The following DIS3L variants were observed in gnomAD, a reference collection of about 807,000 sequenced individuals.
DIS3L encodes the protein DIS3-like exonuclease 1.
A neutral mutation model predicts 120.3 loss-of-function variants in DIS3L; 100 were observed. The observed-to-expected ratio is 0.83, with a 90% CI of 0.71 to 0.98. The LOEUF (loss-of-function observed/expected upper bound fraction) is 0.98, where lower values mean the gene tolerates loss of function less well. DIS3L is among the 50% of genes least tolerant of loss of function. The probability of loss-of-function intolerance (pLI) is 0.00; values close to 1 mark genes in which losing one functional copy is unlikely to be tolerated. For synonymous variants in DIS3L, 426 were observed against 470.6 expected, an observed-to-expected ratio of 0.91 and a Z score of 1.23; for missense variants, 1,196 against 1,314.2, an observed-to-expected ratio of 0.91 and a Z score of 1.39.
At chr15:66,331,791 C>G (rs2093000320) in intron 14 of DIS3L, 84 bp from the exon 15 acceptor site, 2 of 1,358,006 alleles carry the variant, frequency 1.5e-6, no homozygotes, top group Non-Finnish European at 1.9e-6. Context: ...TTTACAGAAT[C>G]TCACATTTGA....
Position 66,306,824 on chromosome 15 carries a change from A to G in DIS3L, c.294A>G (p.Arg98=). 2 of 1,614,008 alleles carry G rather than the reference A, an allele frequency of 1.2e-6. No homozygotes were observed. Among genetic ancestry groups the G allele is most frequent in the South Asian group, 1.1e-5 (1 of 91,076 alleles). The change falls in exon 3 of 17, where the codon AGA becomes AGG. Residue 98 remains arginine, a splice_region_variant and synonymous_variant. Coordinates refer to ENST00000319212, the MANE Select transcript of DIS3L (RefSeq NM_001143688.3). Reference sequence around the variant, plus strand: ...GTTATTTTTCTCCTCCGTGTCACAGACAGTATAACAAACTGCGAAACCTGC... The same window carrying G: ...GTTATTTTTCTCCTCCGTGTCACAGGCAGTATAACAAACTGCGAAACCTGC... ...CQAVQHQRGR[R]QYNKLRNLLK...
chr15:66,304,494 T>C (rs575736429), intron 2 of DIS3L, among the ~76,000 whole-genome samples: 44 of 152,102 alleles, frequency 2.9e-4, no homozygotes, highest in Non-Finnish European at 5.4e-4. Context: ...ATTACTGATA[T>C]AATATGTTCT....
intron 14 of DIS3L, chr15:66,329,721 G>T: frequency 9.9e-7 from 1 of 1,012,858 alleles, no homozygotes; most frequent in Non-Finnish European, 1.2e-6. Context: ...AGACCAGCCT[G>T]GCCAATATGG....
At position 66,333,092 on chromosome 15, in the gene DIS3L, C is replaced by T. The variant is rs201584576; in HGVS notation, c.2945C>T (p.Thr982Ile). Residue 982 changes from threonine to isoleucine, a missense_variant, in exon 17 of 17, where the codon ACA (threonine) becomes ATA (isoleucine). Thr to Ile is a moderately conservative substitution (Grantham distance 89). Transcript: ENST00000319212. The stretch of plus-strand genomic sequence containing the variant: ...AACAAACCATACAAGATACCAAATA[C>T]AGAACTTATTCATCAGAGTTCCCCC... ...ISNKPYKIPN[T>I]ELIHQSSPLL... is the part of the protein sequence containing the mutation. 6.2e-7 allele frequency: 1 copy of T among 1,613,220 alleles called. No individual in the cohort carries two copies. Among genetic ancestry groups the T allele is most frequent in the East Asian group, 2.2e-5 (1 of 44,868 alleles).
intron 12 of DIS3L, among the ~76,000 whole-genome samples, chr15:66,328,441 G>T (rs2092961281): frequency 6.6e-6 from 1 of 152,076 alleles, no homozygotes; most frequent in South Asian, 2.1e-4. Flanking sequence ...TGTAACCCCA[G>T]CACTTTGGGA....
chr15:66,322,726 A>G lies in DIS3L; in HGVS notation c.1366A>G (p.Lys456Glu), dbSNP rs1484408360. The G allele has an allele frequency of 6.2e-7, 1 of 1,614,078 alleles. No individual in the cohort carries two copies. The highest frequency in any genetic ancestry group is 8.5e-7 in the Non-Finnish European group (1 of 1,180,038). The stretch of plus-strand genomic sequence containing the variant: ...AGTAAACACACCAGAAAGTCCCTGG[A>G]AGGTGAGTCCTGAAGAGGAACAAAA... ...MPVNTPESPW[K>E]VSPEEEQKRK... Residue 456 changes from lysine to glutamate, a missense_variant, in exon 10 of 17, where the codon AAG becomes GAG. Physicochemically the swap from Lys to Glu is moderately conservative, Grantham distance 56. Coordinates refer to ENST00000319212, the MANE Select transcript of DIS3L (RefSeq NM_001143688.3).
intron 14 of DIS3L, 53 bp downstream of exon 14, chr15:66,329,452 T>A: frequency 6.4e-7 from 1 of 1,557,668 alleles, no homozygotes; most frequent in East Asian, 2.3e-5. Context: ...TAAGAAAATA[T>A]CAGCTTTATT....
In DIS3L at chr15:66,295,128, CAA is replaced by C. The variant is rs912487829; in HGVS notation, c.282_283del (p.Gly96GlnfsTer5). ...MQTACQAVQHQRGRRQYNKLR... is the reference protein window; with the variant it reads ...MQTACQAVQHXRGRRQYNKLR... ...GACAGCTTGTCAAGCTGTGCAGCAT[CAA>C]AGAGGCAGGAGGTATACGTTTTGCA... On this transcript the variant is annotated frameshift_variant, in exon 2 of 17. Transcript: ENST00000319212. LOFTEE classifies it high-confidence loss of function. 1 of 1,613,646 alleles carries C rather than the reference CAA, an allele frequency of 6.2e-7. No homozygotes were observed. Among genetic ancestry groups the C allele is most frequent in the African/African-American group, 1.3e-5 (1 of 74,916 alleles).
chr15:66,308,919 A>T, intron 4 of DIS3L, 75 bp downstream of exon 4: 1 of 1,469,500 alleles, frequency 6.8e-7, no homozygotes, highest in Admixed American at 2.0e-5. Context: ...TCCCTTTGGT[A>T]ACACAGAAAA....
Position 66,304,101 on chromosome 15 carries a change from A to C in DIS3L, c.294-2723A>C, listed in dbSNP as rs866241826. On this transcript the variant is annotated intron_variant, in intron 2 of 16. Transcript: ENST00000319212. ...TGAGACTCTGTTTCAAAAAAAAAAA[A>C]AAAAAAAAAAACAATATGGCATAGA... Among the ~76,000 whole-genome samples the C allele has an allele frequency of 2.0e-5, 3 of 148,094 alleles. 1 individual carries two copies. In the South Asian group the frequency reaches 6.5e-4, roughly 32 times the overall value.
At chr15:66,302,321 C>G (rs947855421) in intron 2 of DIS3L, among the ~76,000 whole-genome samples, 26 of 152,026 alleles carry the variant, frequency 1.7e-4, no homozygotes, top group Non-Finnish European at 3.5e-4. Flanking sequence ...GAGCCATGAT[C>G]GCGCTGCTGC....
At chr15:66,316,024 C>T (rs1181979334) in intron 7 of DIS3L, among the ~76,000 whole-genome samples, 1 of 152,216 alleles carries the variant, frequency 6.6e-6, no homozygotes, top group Non-Finnish European at 1.5e-5. Context: ...GGGCCCCATG[C>T]TGGATCTTCT....
chr15:66,298,084 C>T (rs1301367531), intron 2 of DIS3L, among the ~76,000 whole-genome samples: 1 of 139,366 alleles, frequency 7.2e-6, no homozygotes, highest in Non-Finnish European at 1.5e-5. Flanking sequence ...GAGACGGAGG[C>T]AGGAAAATCG....
chr15:66,329,623 A>G lies in DIS3L; in HGVS notation c.2535+224A>G, dbSNP rs565713217. 4.1e-5 allele frequency: 51 copies of G among 1,242,274 alleles called. No individual in the cohort carries two copies. The African/African-American group carries it at 5.9e-4, about 14-fold the overall frequency. 77.0% of individuals were successfully genotyped at this position (1,242,274 alleles called of 1,614,324 possible). ...TTTTTTTTCCGAAAGGTGGAAATGT[A>G]AAGATTCAAGCAACGCATAAAGATA... On this transcript the variant is annotated intron_variant, in intron 14 of 16. Transcript: ENST00000319212.
chr15:66,327,150 A>G (rs748560141), intron 12 of DIS3L, among the ~76,000 whole-genome samples: 4 of 151,470 alleles, frequency 2.6e-5, no homozygotes, highest in Non-Finnish European at 5.9e-5. Context: ...GGTTGGTCTC[A>G]AACTCCTGAC....
At chr15:66,324,432 CA>C (rs976314133) in intron 11 of DIS3L, among the ~76,000 whole-genome samples, 4 of 152,146 alleles carry the variant, frequency 2.6e-5, no homozygotes, top group Non-Finnish European at 5.9e-5. Flanking sequence ...CTTGGCCACC[CA>C]AAAAGCTGGG....
Position 66,315,070 on chromosome 15 carries a change from G to T in DIS3L, c.849G>T (p.Lys283Asn), listed in dbSNP as rs201914241. The change falls in exon 7 of 17, where the codon AAG becomes AAT. Residue 283 changes from lysine to asparagine, a missense_variant. Lys to Asn is a moderately conservative substitution (Grantham distance 94). Transcript: ENST00000319212. ...GTGACATCCTAATCCACGGGATGAA[G>T]GCTCGAAACCGCTCAATTCATGGAG... ...LVSDILIHGM[K>N]ARNRSIHGDV... The T allele has an allele frequency of 2.5e-6, 4 of 1,614,078 alleles. No homozygotes were observed. The highest frequency in any genetic ancestry group is 3.4e-6 in the Non-Finnish European group (4 of 1,180,006).
chr15:66,323,639 G>C (rs779025768), intron 11 of DIS3L, 54 bp downstream of exon 11: 2 of 1,563,746 alleles, frequency 1.3e-6, no homozygotes, highest in South Asian at 2.2e-5. Flanking sequence ...TGTGGCTCCT[G>C]ATGCTGCCTG....
At chr15:66,331,817 G>A (rs377519992) in intron 14 of DIS3L, 58 bp from the exon 15 acceptor site, 26 of 1,413,590 alleles carry the variant, frequency 1.8e-5, no homozygotes, top group Admixed American at 8.0e-5. Context: ...TATGAATTTC[G>A]TTTCTTTGGG....
Sources: gnomAD v4.1 joint callset for allele counts (sites outside exome capture counted in the v4.1 genomes callset) on GRCh38, gnomAD v4.1.1 for gene constraint, MANE v1.5 for transcripts, NCBI Gene and HGNC (gene_info 2026-07-23, HGNC 2026-07-21) for gene names.